Variants in PDE4D observed in about 807,000 individuals in gnomAD.
PDE4D encodes the protein phosphodiesterase 4D.
PDE4D carries 24 observed loss-of-function variants against 87.4 expected under a neutral mutation model. That is an observed-to-expected ratio of 0.27 (90% confidence interval 0.20 to 0.39). The LOEUF is 0.39. Among genes scored for constraint, PDE4D ranks in the 10% least tolerant of loss-of-function variants. The probability of loss-of-function intolerance (pLI) is 1.00; values close to 1 mark genes in which losing one functional copy is unlikely to be tolerated. For missense variants in PDE4D, 714 were observed against 1,041.0 expected (o/e 0.69, Z 4.32); for synonymous variants, 384 against 383.2 (o/e 1.00, Z -0.02).
chr5:59,842,430 G>A (rs773147861), intron 1 of PDE4D, among the ~76,000 whole-genome samples: 4 of 151,996 alleles, frequency 2.6e-5, no homozygotes, highest in East Asian at 3.9e-4. Flanking sequence ...GAAATAAAAC[G>A]TGAAGTGATT....
chr5:60,442,596 A>T (rs1745323940), intron 1 of PDE4D, among the ~76,000 whole-genome samples: 1 of 152,134 alleles, frequency 6.6e-6, no homozygotes, highest in Non-Finnish European at 1.5e-5. Context: ...TAAAATAATA[A>T]ATAAATAGCC....
At chr5:59,292,195 G>A (rs959816641) in intron 1 of PDE4D, among the ~76,000 whole-genome samples, 7 of 152,040 alleles carry the variant, frequency 4.6e-5, no homozygotes, top group African/African-American at 1.7e-4. Context: ...TCAGATTCCT[G>A]CAGGATTTAA....
At chr5:58,999,609 A>G in intron 6 of PDE4D, 1 of 1,215,940 alleles carries the variant, frequency 8.2e-7, no homozygotes, top group Non-Finnish European at 1.0e-6. Context: ...TAGCTTCAAA[A>G]TCTCGACACT....
At chr5:60,405,489 C>T (rs925949006) in intron 1 of PDE4D, among the ~76,000 whole-genome samples, 19 of 152,184 alleles carry the variant, frequency 1.2e-4, no homozygotes, top group Non-Finnish European at 1.3e-4. Flanking sequence ...CTGGCCCTGT[C>T]GAGGACTCTT....
Position 59,886,286 on chromosome 5 carries a change from G to A in PDE4D, c.455+6882C>T, listed in dbSNP as rs56308228. Among the ~76,000 whole-genome samples the A allele has an allele frequency of 8.6e-3, 1,316 of 152,230 alleles. 21 individuals are homozygous for A. Among genetic ancestry groups the A allele is most frequent in the African/African-American group, 0.03 (1,250 of 41,522 alleles). Reference sequence around the variant, plus strand: ...AAATATTCCCACTTTGGGAGATCGAGGCAGATGGATGACGAGGTCAAGCGT... The same window carrying A: ...AAATATTCCCACTTTGGGAGATCGAAGCAGATGGATGACGAGGTCAAGCGT... On this transcript the variant is annotated intron_variant, in intron 1 of 14. Coordinates refer to ENST00000340635, the MANE Select transcript of PDE4D (RefSeq NM_001104631.2).
chr5:59,458,507 T>C (rs936230095), intron 1 of PDE4D, among the ~76,000 whole-genome samples: 1 of 152,212 alleles, frequency 6.6e-6, no homozygotes, highest in African/African-American at 2.4e-5. Context: ...CTTGCCTGCT[T>C]TCTGAATCTG....
intron 1 of PDE4D, among the ~76,000 whole-genome samples, chr5:59,253,254 AAAC>A: frequency 6.6e-6 from 1 of 152,328 alleles, no homozygotes. Context: ...CCTTTAAAAT[AAAC>A]AATAGTGCTG....
At chr5:59,745,634 A>G (rs960183204) in intron 1 of PDE4D, among the ~76,000 whole-genome samples, 2 of 152,176 alleles carry the variant, frequency 1.3e-5, no homozygotes, top group African/African-American at 4.8e-5. Flanking sequence ...CTGTGAGAAC[A>G]TAAAATACGC....
At chr5:60,192,595 T>G (rs1340451652) in intron 1 of PDE4D, among the ~76,000 whole-genome samples, 1 of 152,208 alleles carries the variant, frequency 6.6e-6, no homozygotes, top group South Asian at 2.1e-4. Context: ...TCATATATTT[T>G]GCAAGATATT....
chr5:60,252,877 T>C (rs184957638), intron 1 of PDE4D, among the ~76,000 whole-genome samples: 2 of 151,938 alleles, frequency 1.3e-5, no homozygotes, highest in East Asian at 3.9e-4. Context: ...GGAAGAGCTA[T>C]AGGAATAATA....
intron 1 of PDE4D, among the ~76,000 whole-genome samples, chr5:60,452,785 T>C (rs1440928142): frequency 2.0e-5 from 3 of 152,082 alleles, no homozygotes; most frequent in African/African-American, 7.2e-5. Flanking sequence ...TAAAGCATCA[T>C]AGCTGAAGGA....
intron 1 of PDE4D, among the ~76,000 whole-genome samples, chr5:59,330,862 T>G (rs1488241106): frequency 6.6e-6 from 1 of 152,186 alleles, no homozygotes; most frequent in East Asian, 1.9e-4. Flanking sequence ...ACAGCCTCAT[T>G]CCTGCCTTCG....
intron 3 of PDE4D, among the ~76,000 whole-genome samples, chr5:59,953,409 T>A (rs10940651): frequency 0.38 from 57,089 of 151,976 alleles, 12,228 homozygotes; most frequent in East Asian, 0.73. Flanking sequence ...AATTAGACTA[T>A]TATTTTAGGT....
At chr5:60,518,598 A>G (rs1750906161) in intron 1 of PDE4D, among the ~76,000 whole-genome samples, 1 of 152,214 alleles carries the variant, frequency 6.6e-6, no homozygotes, top group Non-Finnish European at 1.5e-5. Flanking sequence ...TAGAACTACA[A>G]GAGTTCATAC....
intron 5 of PDE4D, among the ~76,000 whole-genome samples, chr5:59,053,351 A>G (rs993984216): frequency 5.0e-5 from 7 of 138,824 alleles, no homozygotes; most frequent in Non-Finnish European, 9.2e-5. Context: ...TGAAAACATA[A>G]TGGGTGTACA....
intron 1 of PDE4D, among the ~76,000 whole-genome samples, chr5:59,863,151 T>G (rs552996699): frequency 3.9e-5 from 6 of 152,272 alleles, no homozygotes; most frequent in South Asian, 4.1e-4. Context: ...AAAATCTACT[T>G]CCTTAATTTT....
intron 1 of PDE4D, among the ~76,000 whole-genome samples, chr5:59,749,542 T>C (rs1353907989): frequency 6.6e-6 from 1 of 152,162 alleles, no homozygotes; most frequent in African/African-American, 2.4e-5. Flanking sequence ...TGAGCCACCA[T>C]GCCCAGCCAC....
At chr5:60,430,687 C>A (rs894116624) in intron 1 of PDE4D, 6 of 250,782 alleles carry the variant, frequency 2.4e-5, no homozygotes, top group African/African-American at 2.3e-5. Context: ...GAGGTCCCTG[C>A]GGCCTTCCGC....
At chr5:59,887,254 G>A (rs1750300012) in intron 1 of PDE4D, among the ~76,000 whole-genome samples, 1 of 152,116 alleles carries the variant, frequency 6.6e-6, no homozygotes, top group Non-Finnish European at 1.5e-5. Flanking sequence ...GGTATGGTGA[G>A]GTTTGGGGCA....
Sources: allele counts gnomAD v4.1 joint callset (sites outside exome capture counted in the v4.1 genomes callset), GRCh38; gene constraint gnomAD v4.1.1; transcripts MANE v1.5; gene names NCBI Gene and HGNC (gene_info 2026-07-23, HGNC 2026-07-21).